Variants in GALNT13 observed in about 807,000 individuals in gnomAD.
The protein encoded by GALNT13 is UDP-GalNAc:polypeptide N-acetylgalactosaminyltransferase 13.
A neutral mutation model predicts 64.2 loss-of-function variants in GALNT13; 28 were observed. The ratio of observed to expected loss-of-function variants is 0.44; its 90% confidence interval spans 0.32 to 0.60. The LOEUF is 0.60. Among genes scored for constraint, GALNT13 ranks in the 20% least tolerant of loss-of-function variants. The probability of loss-of-function intolerance (pLI) is 0.05; values close to 1 mark genes in which losing one functional copy is unlikely to be tolerated. For missense variants in GALNT13, 577 were observed against 669.8 expected, an observed-to-expected ratio of 0.86 and a Z score of 1.53; for synonymous variants, 214 against 224.6, an observed-to-expected ratio of 0.95 and a Z score of 0.42.
At chr2:154,235,680 G>T (rs1298140759) in intron 4 of GALNT13, among the ~76,000 whole-genome samples, 2 of 152,156 alleles carry the variant, frequency 1.3e-5, no homozygotes, top group East Asian at 3.9e-4. Context: ...AACAAGTCAT[G>T]CAAACTCCAG....
At chr2:154,269,270 A>C (rs966748982) in intron 8 of GALNT13, among the ~76,000 whole-genome samples, 1 of 152,102 alleles carries the variant, frequency 6.6e-6, no homozygotes, top group African/African-American at 2.4e-5. Context: ...ACACAATTCA[A>C]ATTTTGACAA....
chr2:153,247,144 T>G, the GALNT13 span, among the ~76,000 whole-genome samples: 5 of 152,190 alleles, frequency 3.3e-5, no homozygotes, highest in East Asian at 9.7e-4. Context: ...CATAAAGTTC[T>G]TAGAGACCTA....
chr2:154,099,371 A>G (rs147109746), intron 3 of GALNT13, among the ~76,000 whole-genome samples: 161 of 152,164 alleles, frequency 1.1e-3, no homozygotes, highest in African/African-American at 3.7e-3. Context: ...GTAGATTGTC[A>G]GTTTACTCTG....
At chr2:153,189,358 A>G in the GALNT13 span, among the ~76,000 whole-genome samples, 4 of 152,172 alleles carry the variant, frequency 2.6e-5, no homozygotes, top group Non-Finnish European at 4.4e-5. Flanking sequence ...TTCACTTAAC[A>G]TGATGACTTT....
At chr2:154,029,980 C>T (rs187666713) in intron 3 of GALNT13, among the ~76,000 whole-genome samples, 39 of 152,140 alleles carry the variant, frequency 2.6e-4, no homozygotes, top group African/African-American at 7.5e-4. Flanking sequence ...TACTTGAAAA[C>T]GGGTAAATTG....
At chr2:153,263,169 CA>C in the GALNT13 span, among the ~76,000 whole-genome samples, 1 of 151,834 alleles carries the variant, frequency 6.6e-6, no homozygotes, top group Non-Finnish European at 1.5e-5. Flanking sequence ...AGCAGAGAGG[CA>C]AATTATGAAT....
chr2:153,967,028 C>T (rs551797574), intron 3 of GALNT13, among the ~76,000 whole-genome samples: 2 of 152,124 alleles, frequency 1.3e-5, no homozygotes, highest in South Asian at 2.1e-4. Context: ...CGGCATTTTT[C>T]AGTTCGTCAC....
intron 8 of GALNT13, among the ~76,000 whole-genome samples, chr2:154,282,714 A>G (rs547900958): frequency 1.3e-5 from 2 of 152,282 alleles, no homozygotes; most frequent in African/African-American, 4.8e-5. Flanking sequence ...TTTAAAAAAA[A>G]CATTAAATTA....
the GALNT13 span, among the ~76,000 whole-genome samples, chr2:153,159,839 C>T: frequency 6.6e-5 from 10 of 152,282 alleles, no homozygotes; most frequent in South Asian, 2.1e-4. Context: ...ACTGAAGTTA[C>T]GGTTTACCTT....
At chr2:153,895,313 A>AT (rs1164519923) in intron 1 of GALNT13, among the ~76,000 whole-genome samples, 1 of 151,912 alleles carries the variant, frequency 6.6e-6, no homozygotes, top group Admixed American at 6.6e-5. Context: ...TGTAATGACC[A>AT]TTTTTTTCTA....
At chr2:153,756,692 G>C in the GALNT13 span, among the ~76,000 whole-genome samples, 1 of 151,802 alleles carries the variant, frequency 6.6e-6, no homozygotes, top group African/African-American at 2.4e-5. Context: ...CTGCTTTCCA[G>C]GTTTACCATT....
intron 8 of GALNT13, among the ~76,000 whole-genome samples, chr2:154,295,818 G>A (rs1002183727): frequency 1.3e-5 from 2 of 152,166 alleles, no homozygotes; most frequent in Non-Finnish European, 2.9e-5. Flanking sequence ...TCCCCAATGG[G>A]TAGGGTGAAA....
At chr2:153,190,043 G>T in the GALNT13 span, among the ~76,000 whole-genome samples, 1 of 152,022 alleles carries the variant, frequency 6.6e-6, no homozygotes, top group Admixed American at 6.6e-5. Context: ...TCAGCAGGTT[G>T]TCTCTTCACT....
Position 154,256,709 on chromosome 2 carries a change from GCTTTA to G in GALNT13, c.858-2308_858-2304del, listed in dbSNP as rs576732736. ...TTATGTATTGAGAACTGTGTTAAGT[GCTTTA>G]CTTCTGTTAACTCAGTTCATCTTTC... On this transcript the variant is annotated intron_variant, in intron 7 of 12. Coordinates refer to ENST00000392825, the MANE Select transcript of GALNT13 (RefSeq NM_052917.4). Among the ~76,000 whole-genome samples, 33 of 152,236 alleles carry G rather than the reference GCTTTA, an allele frequency of 2.2e-4. 1 individual carries two copies. The highest frequency in any genetic ancestry group is 1.5e-3 in the South Asian group (7 of 4,826).
chr2:153,068,558 A>G, the GALNT13 span, among the ~76,000 whole-genome samples: 4 of 152,198 alleles, frequency 2.6e-5, no homozygotes, highest in African/African-American at 9.7e-5. Context: ...CTTTTGCTTT[A>G]GAAGCCATTA....
At chr2:153,534,401 A>G in the GALNT13 span, among the ~76,000 whole-genome samples, 2 of 151,490 alleles carry the variant, frequency 1.3e-5, no homozygotes, top group Non-Finnish European at 2.9e-5. Flanking sequence ...TGTTTCTCCG[A>G]TTTGTTTCTC....
chr2:153,677,296 C>T, the GALNT13 span, among the ~76,000 whole-genome samples: 4 of 50,832 alleles, frequency 7.9e-5, no homozygotes, highest in East Asian at 1.2e-3. Flanking sequence ...CACACACACA[C>T]ACACACACAC....
chr2:153,537,076 G>A, the GALNT13 span, among the ~76,000 whole-genome samples: 1 of 152,136 alleles, frequency 6.6e-6, no homozygotes, highest in Non-Finnish European at 1.5e-5. Flanking sequence ...GACAAAGTAG[G>A]GGTGGAACAG....
chr2:154,086,820 A>G (rs1292723284), intron 3 of GALNT13, among the ~76,000 whole-genome samples: 1 of 152,148 alleles, frequency 6.6e-6, no homozygotes, highest in Non-Finnish European at 1.5e-5. Context: ...ATGCCCTAAT[A>G]AAGTAACAAG....
Sources: gnomAD v4.1 joint callset for allele counts (sites outside exome capture counted in the v4.1 genomes callset) on GRCh38, gnomAD v4.1.1 for gene constraint, MANE v1.5 for transcripts, NCBI Gene and HGNC (gene_info 2026-07-23, HGNC 2026-07-21) for gene names.